The following RABGAP1L variants were observed in gnomAD, a reference collection of about 807,000 sequenced individuals.
The protein encoded by RABGAP1L is rab GTPase-activating protein 1-like.
RABGAP1L carries 63 observed loss-of-function variants against 137.7 expected under a neutral mutation model. That is an observed-to-expected ratio of 0.46 (90% CI 0.37 to 0.56). The LOEUF is 0.56. Among genes scored for constraint, RABGAP1L ranks in the 20% least tolerant of loss-of-function variants. The pLI, the probability that RABGAP1L is intolerant of heterozygous loss-of-function variation, is 0.00. For synonymous variants in RABGAP1L, 431 were observed against 433.7 expected, an observed-to-expected ratio of 0.99 and a Z score of 0.08; for missense variants, 1,095 against 1,244.0, an observed-to-expected ratio of 0.88 and a Z score of 1.80.
chr1:174,474,814 G>A (rs1658327585), intron 13 of RABGAP1L, among the ~76,000 whole-genome samples: 1 of 151,932 alleles, frequency 6.6e-6, no homozygotes, highest in Admixed American at 6.6e-5. Context: ...TGTTGGCCAG[G>A]ATGGTCTCGA....
chr1:174,667,837 A>G lies in RABGAP1L; in HGVS notation c.1825-15685A>G, dbSNP rs991466744. Among the ~76,000 whole-genome samples the G allele has an allele frequency of 2.6e-5, 4 of 152,252 alleles. No individual in the cohort carries two copies. In the East Asian group the frequency reaches 7.7e-4, roughly 29 times the overall value. ...TTCATTGTACATGTTGACCTCCTCC[A>G]CAGGGCTAAATGCTGGGGAGCATGG... On this transcript the variant is annotated intron_variant, in intron 14 of 25. Coordinates refer to ENST00000681986, the MANE Select transcript of RABGAP1L (RefSeq NM_001366446.1).
chr1:174,795,850 A>C (rs1688203554), intron 18 of RABGAP1L, among the ~76,000 whole-genome samples: 1 of 152,196 alleles, frequency 6.6e-6, no homozygotes. Context: ...TCCTGGGATT[A>C]TAGGTGTGAG....
At chr1:174,915,161 A>T (rs986382343) in intron 19 of RABGAP1L, among the ~76,000 whole-genome samples, 1 of 152,188 alleles carries the variant, frequency 6.6e-6, no homozygotes, top group Non-Finnish European at 1.5e-5. Context: ...TTCTGTGAAC[A>T]TGTGTTTTCA....
rs1348479236 is a variant in RABGAP1L at position 174,327,982 on chromosome 1, CACACATAT to C, written c.1465+22857_1465+22864del. Among the ~76,000 whole-genome samples the C allele has an allele frequency of 4.0e-4, 10 of 24,750 alleles. 1 individual carries two copies. Among genetic ancestry groups the C allele is most frequent in the South Asian group, 3.1e-3 (2 of 640 alleles). 16.2% of individuals were successfully genotyped at this position (24,750 alleles called of 152,430 possible). A position where few individuals can be genotyped will look rare whatever the true frequency, so the allele number is the denominator to read the frequency against. On this transcript the variant is annotated intron_variant, in intron 11 of 25. Coordinates refer to ENST00000681986, the MANE Select transcript of RABGAP1L (RefSeq NM_001366446.1). ...ATATATATATATATATATATATACA[CACACATAT>C]ATATATATATATATATATATATATA...
At chr1:174,589,408 C>T (rs184103649) in intron 13 of RABGAP1L, among the ~76,000 whole-genome samples, 13 of 152,096 alleles carry the variant, frequency 8.5e-5, no homozygotes, top group Admixed American at 1.3e-4. Flanking sequence ...ATTATCTCTT[C>T]ACTTCGTTGA....
At position 174,520,084 on chromosome 1, in the gene RABGAP1L, G is replaced by A. The variant is rs188186045; in HGVS notation, c.1711-117291G>A. ...TCAGCACAAGAATAGAAAGGCAGAT[G>A]GCAGATTTTACTATTTATAGTTGTA... is the stretch of plus-strand genomic sequence containing the variant. On this transcript the variant is annotated intron_variant, in intron 13 of 25. Coordinates refer to ENST00000681986, the MANE Select transcript of RABGAP1L (RefSeq NM_001366446.1). Among the ~76,000 whole-genome samples, 3 of 152,272 alleles carry A rather than the reference G, an allele frequency of 2.0e-5. No individual in the cohort carries two copies. In the East Asian group the frequency reaches 5.8e-4, roughly 29 times the overall value.
chr1:174,801,263 G>T (rs1471075324), intron 18 of RABGAP1L, among the ~76,000 whole-genome samples: 2 of 152,300 alleles, frequency 1.3e-5, no homozygotes, highest in East Asian at 3.9e-4. Context: ...AATGGAATAA[G>T]AATAATTTAG....
At chr1:174,367,882 T>C (rs12075085) in intron 11 of RABGAP1L, 8,068 of 155,256 alleles carry the variant, frequency 0.052, 688 homozygotes, top group African/African-American at 0.18. Context: ...GTCTTCTGTT[T>C]AGTTTTGGAA....
intron 19 of RABGAP1L, among the ~76,000 whole-genome samples, chr1:174,834,663 C>A (rs1451866684): frequency 7.5e-6 from 1 of 132,830 alleles, no homozygotes; most frequent in Admixed American, 9.2e-5. Context: ...GGGATAATTG[C>A]CTGTCTTAAC....
intron 13 of RABGAP1L, among the ~76,000 whole-genome samples, chr1:174,450,302 A>G (rs1445095369): frequency 6.6e-6 from 1 of 152,170 alleles, no homozygotes; most frequent in East Asian, 1.9e-4. Context: ...TGTTGTGTCC[A>G]CTAGTCAGTC....
At chr1:174,855,286 C>T (rs573882768) in intron 19 of RABGAP1L, among the ~76,000 whole-genome samples, 120 of 152,276 alleles carry the variant, frequency 7.9e-4, no homozygotes, top group Middle Eastern at 3.4e-3. Context: ...TAGACCACCA[C>T]TCTGATGGCC....
Position 174,275,884 on chromosome 1 carries a change from T to C in RABGAP1L, c.1105T>C (p.Trp369Arg). 6.2e-7 allele frequency: 1 copy of C among 1,613,252 alleles called. No homozygotes were observed. The highest frequency in any genetic ancestry group is 8.5e-7 in the Non-Finnish European group (1 of 1,179,444). Residue 369 changes from tryptophan (W) to arginine (R), a missense_variant, in exon 9 of 26, where the codon TGG (tryptophan) becomes CGG (arginine). Physicochemically the swap from Trp to Arg is moderately radical, Grantham distance 101. Transcript: ENST00000681986. Reference protein sequence around the residue: ...DGRAYVITGMWNPNAPVFLAL... With the variant: ...DGRAYVITGMRNPNAPVFLAL... The stretch of plus-strand genomic sequence containing the variant: ...GAGAGCTTATGTCATCACTGGCATG[T>C]GGAACCCCAATGCACCAGTATTTCT...
chr1:174,583,735 G>A (rs1433585717), intron 13 of RABGAP1L, among the ~76,000 whole-genome samples: 1 of 152,116 alleles, frequency 6.6e-6, no homozygotes, highest in African/African-American at 2.4e-5. Flanking sequence ...GAGTTGCCCA[G>A]TTTCCAGATA....
intron 14 of RABGAP1L, among the ~76,000 whole-genome samples, chr1:174,641,288 C>T (rs1674514967): frequency 1.3e-5 from 2 of 152,046 alleles, no homozygotes; most frequent in Admixed American, 1.3e-4. Flanking sequence ...CTGTTAAAAA[C>T]TCATTGTCAT....
Position 174,990,290 on chromosome 1 carries a change from GA to G in RABGAP1L, c.*291del. 3.7e-6 allele frequency: 1 copy of G among 267,002 alleles called. No individual in the cohort carries two copies. The highest frequency in any genetic ancestry group is 6.9e-6 in the Non-Finnish European group (1 of 144,112). 16.5% of individuals were successfully genotyped at this position (267,002 alleles called of 1,614,324 possible). A position where few individuals can be genotyped will look rare whatever the true frequency, so the allele number is the denominator to read the frequency against. On this transcript the variant is annotated 3_prime_UTR_variant, in exon 26 of 26. Transcript: ENST00000681986. ...TGTTTAGTTGGAAATAAGTAATTCAGAACTAAATGCTTTTTTATTTAGAATT... is the reference window on the plus strand; with the variant it reads ...TGTTTAGTTGGAAATAAGTAATTCAGACTAAATGCTTTTTTATTTAGAATT...
At chr1:174,350,509 C>T (rs1405027439) in intron 11 of RABGAP1L, among the ~76,000 whole-genome samples, 253 of 138,522 alleles carry the variant, frequency 1.8e-3, no homozygotes, top group Middle Eastern at 3.7e-3. Flanking sequence ...CGGGCAGAGA[C>T]GCTCCTCACT....
At chr1:174,378,956 T>A (rs1304881963) in intron 12 of RABGAP1L, among the ~76,000 whole-genome samples, 1 of 130,732 alleles carries the variant, frequency 7.6e-6, no homozygotes, top group Non-Finnish European at 1.6e-5. Flanking sequence ...CTTGAATTGA[T>A]TTTTGTATAA....
chr1:174,360,431 T>A (rs1034242361), intron 11 of RABGAP1L, among the ~76,000 whole-genome samples: 2 of 152,178 alleles, frequency 1.3e-5, no homozygotes, highest in African/African-American at 4.8e-5. Flanking sequence ...TACAGTTTTT[T>A]TAAAAAGATC....
At chr1:174,349,401 T>TG (rs1682822571) in intron 11 of RABGAP1L, among the ~76,000 whole-genome samples, 2 of 86,258 alleles carry the variant, frequency 2.3e-5, no homozygotes, top group African/African-American at 4.7e-5. Flanking sequence ...GCTGGCCGGG[T>TG]GGGGGGCTGA....
Sources: gnomAD v4.1 joint callset for allele counts (sites outside exome capture counted in the v4.1 genomes callset) on GRCh38, gnomAD v4.1.1 for gene constraint, MANE v1.5 for transcripts, NCBI Gene and HGNC (gene_info 2026-07-23, HGNC 2026-07-21) for gene names.